The following SPSB4 variants were observed in gnomAD, a reference collection of about 807,000 sequenced individuals.
SPSB4 encodes splA/ryanodine receptor domain and SOCS box containing 4.
A neutral mutation model predicts 20.9 loss-of-function variants in SPSB4; 21 were observed. The ratio of observed to expected loss-of-function variants is 1.01; its 90% confidence interval spans 0.71 to 1.45. SPSB4 has a LOEUF of 1.45. Among genes scored for constraint, SPSB4 ranks in the 40% most tolerant of loss-of-function variants. SPSB4 has a pLI of 0.00. For missense variants in SPSB4, 399 were observed against 399.2 expected (o/e 1.00, Z 0.00); for synonymous variants, 207 against 183.8 (o/e 1.13, Z -1.02).
At chr3:141,082,618 G>GCTATCTAT (rs57148827) in intron 2 of SPSB4, among the ~76,000 whole-genome samples, 11,118 of 146,174 alleles carry the variant, frequency 0.076, 500 homozygotes, top group African/African-American at 0.12. Context: ...CAACCCAGGT[G>GCTATCTAT]CTATCTATCT....
intron 2 of SPSB4, among the ~76,000 whole-genome samples, chr3:141,146,809 C>G (rs923281977): frequency 1.8e-4 from 28 of 151,690 alleles, no homozygotes; most frequent in Non-Finnish European, 3.7e-4. Context: ...ACACCTACAT[C>G]AGAGACCAGA....
chr3:141,102,134 A>T (rs1378079498), intron 2 of SPSB4, among the ~76,000 whole-genome samples: 3 of 152,252 alleles, frequency 2.0e-5, no homozygotes, highest in Non-Finnish European at 4.4e-5. Flanking sequence ...TCCAGGCAGA[A>T]AGAGCAAGAA....
intron 2 of SPSB4, among the ~76,000 whole-genome samples, chr3:141,077,753 T>C (rs1405663900): frequency 3.9e-5 from 6 of 152,198 alleles, no homozygotes; most frequent in Non-Finnish European, 5.9e-5. Context: ...CTCACAGTGC[T>C]TATGCAGAGG....
In SPSB4 at chr3:141,058,289, G is replaced by A. The variant is rs61035025; in HGVS notation, c.-154+6297G>A. On this transcript the variant is annotated intron_variant, in intron 1 of 2. Transcript: ENST00000310546. ...CTTCATGTCTCCTCATTTCCCTGTC[G>A]GGTAGGAACATCTGCTAGGGTCCTG... 7.5e-3 allele frequency among the ~76,000 whole-genome samples: 1,144 copies of A among 152,244 alleles called. 24 individuals carry two copies. Among genetic ancestry groups the A allele is most frequent in the African/African-American group, 0.027 (1,104 of 41,528 alleles).
At chr3:141,086,791 C>G (rs1429110218) in intron 2 of SPSB4, among the ~76,000 whole-genome samples, 1 of 152,202 alleles carries the variant, frequency 6.6e-6, no homozygotes, top group African/African-American at 2.4e-5. Flanking sequence ...GTTATCAGCA[C>G]TTTATATGTG....
intron 2 of SPSB4, among the ~76,000 whole-genome samples, chr3:141,126,238 C>A (rs530959296): frequency 1.8e-4 from 28 of 152,246 alleles, no homozygotes; most frequent in African/African-American, 5.8e-4. Context: ...AGGCTCAAAC[C>A]CCTGTCTCCT....
chr3:141,136,085 G>T (rs1243217940), intron 2 of SPSB4, among the ~76,000 whole-genome samples: 2 of 152,138 alleles, frequency 1.3e-5, no homozygotes, highest in Non-Finnish European at 2.9e-5. Context: ...GCATTTCTCT[G>T]ATGGCCAGTG....
chr3:141,130,625 G>T (rs1939117167), intron 2 of SPSB4, among the ~76,000 whole-genome samples: 1 of 152,144 alleles, frequency 6.6e-6, no homozygotes, highest in African/African-American at 2.4e-5. Context: ...CAGGGTTGGG[G>T]TAGGGTAGTG....
intron 2 of SPSB4, among the ~76,000 whole-genome samples, chr3:141,068,710 G>A (rs9882989): frequency 0.31 from 47,190 of 152,132 alleles, 11,341 homozygotes; most frequent in African/African-American, 0.67. Flanking sequence ...AAGGCCTGAC[G>A]TTGACACCCA....
At chr3:141,106,597 C>G (rs1363526758) in intron 2 of SPSB4, among the ~76,000 whole-genome samples, 1 of 152,320 alleles carries the variant, frequency 6.6e-6, no homozygotes, top group Non-Finnish European at 1.5e-5. Context: ...TTATAAGGAA[C>G]AGAAGACCTG....
intron 1 of SPSB4, among the ~76,000 whole-genome samples, chr3:141,057,400 A>G (rs1937668094): frequency 6.6e-6 from 1 of 152,246 alleles, no homozygotes. Flanking sequence ...AAAAATAAAG[A>G]CATGAAATAA....
chr3:141,086,818 A>G (rs185341444), intron 2 of SPSB4, among the ~76,000 whole-genome samples: 1 of 152,268 alleles, frequency 6.6e-6, no homozygotes, highest in East Asian at 1.9e-4. Flanking sequence ...CTTTTATCTC[A>G]TAAGAACACT....
chr3:141,086,333 T>G (rs952995178), intron 2 of SPSB4, among the ~76,000 whole-genome samples: 3 of 152,198 alleles, frequency 2.0e-5, no homozygotes. Context: ...GGTGCAGAGT[T>G]TATGTTCAAA....
chr3:141,127,954 T>A (rs1329897465), intron 2 of SPSB4, among the ~76,000 whole-genome samples: 8 of 152,190 alleles, frequency 5.3e-5, no homozygotes, highest in Admixed American at 3.3e-4. Flanking sequence ...CCACAGTCCC[T>A]CACTGGCTGC....
At chr3:141,127,424 G>T (rs1939065825) in intron 2 of SPSB4, among the ~76,000 whole-genome samples, 1 of 152,192 alleles carries the variant, frequency 6.6e-6, no homozygotes, top group Non-Finnish European at 1.5e-5. Flanking sequence ...AGCCAGCCCT[G>T]CCCTTGGGCC....
At chr3:141,104,082 C>G (rs1003855941) in intron 2 of SPSB4, among the ~76,000 whole-genome samples, 14 of 152,012 alleles carry the variant, frequency 9.2e-5, no homozygotes, top group African/African-American at 3.1e-4. Context: ...TAAATAATAC[C>G]AGCATTAAAC....
rs146764718 is a variant in SPSB4, at chr3:141,064,456, G to A, written c.-153-1496G>A. Among the ~76,000 whole-genome samples the A allele has an allele frequency of 6.7e-3, 1,013 of 152,288 alleles. 13 individuals carry two copies. Among genetic ancestry groups the A allele is most frequent in the African/African-American group, 0.023 (955 of 41,558 alleles). ...AGATTGAACATTAGCCAGAGCTCTC[G>A]GAATAGGGTCAACATCTGCTGAAGC... is the stretch of plus-strand genomic sequence containing the variant. On this transcript the variant is annotated intron_variant, in intron 1 of 2. Coordinates refer to ENST00000310546, the MANE Select transcript of SPSB4 (RefSeq NM_080862.3).
Position 141,051,419 on chromosome 3 carries a change from G to A in SPSB4, c.-727G>A. On this transcript the variant is annotated 5_prime_UTR_variant, in exon 1 of 3. Transcript: ENST00000310546. ...GCGGGCGGCGGCGGCGGAGGAGGGG[G>A]AGGCGGCGGCGGCTGCAGCATCCAG... 6.4e-6 allele frequency: 1 copy of A among 156,448 alleles called. No individual in the cohort carries two copies. The highest frequency in any genetic ancestry group is 1.4e-5 in the Non-Finnish European group (1 of 71,230). The allele number at this position is 156,448 out of a possible 1,614,324, so 9.7% of individuals were successfully genotyped here.
intron 2 of SPSB4, among the ~76,000 whole-genome samples, chr3:141,103,445 C>G (rs1938643478): frequency 6.6e-6 from 1 of 152,172 alleles, no homozygotes; most frequent in South Asian, 2.1e-4. Flanking sequence ...TTGGTGCCCT[C>G]AGCTGTACAC....
Sources: allele counts gnomAD v4.1 joint callset (sites outside exome capture counted in the v4.1 genomes callset), GRCh38; gene constraint gnomAD v4.1.1; transcripts MANE v1.5; gene names NCBI Gene and HGNC (gene_info 2026-07-23, HGNC 2026-07-21).